Variants in IQUB observed in about 807,000 individuals in gnomAD.
IQUB encodes the protein IQ motif and ubiquitin-like domain-containing protein.
IQUB carries 86 observed loss-of-function variants against 86.4 expected under a neutral mutation model. The ratio of observed to expected loss-of-function variants is 1.00; its 90% CI spans 0.84 to 1.19. The LOEUF (loss-of-function observed/expected upper bound fraction) is 1.19. Ranked by LOEUF, IQUB falls within the 50% of genes most tolerant of loss-of-function variation. The probability of loss-of-function intolerance (pLI) is 0.00; values close to 1 mark genes in which losing one functional copy is unlikely to be tolerated. For synonymous variants in IQUB, 289 were observed against 304.5 expected, an observed-to-expected ratio of 0.95 and a Z score of 0.53; for missense variants, 946 against 916.9, an observed-to-expected ratio of 1.03 and a Z score of -0.41.
chr7:123,473,851 C>T (rs1794644975), intron 8 of IQUB, among the ~76,000 whole-genome samples: 1 of 152,044 alleles, frequency 6.6e-6, no homozygotes, highest in South Asian at 2.1e-4. Context: ...TCCCAAAGTG[C>T]TGGGATTACA....
chr7:123,461,039 A>G (rs1237434152), intron 11 of IQUB, among the ~76,000 whole-genome samples: 1 of 151,094 alleles, frequency 6.6e-6, no homozygotes, highest in African/African-American at 2.4e-5. Flanking sequence ...CATTATGGTC[A>G]CATTTGGTTT....
intron 8 of IQUB, among the ~76,000 whole-genome samples, chr7:123,472,404 T>G (rs1178209942): frequency 6.6e-6 from 1 of 152,156 alleles, no homozygotes; most frequent in Non-Finnish European, 1.5e-5. Context: ...AGGCACTGAG[T>G]AGATAAAATA....
At chr7:123,495,577 C>A (rs1477671442) in intron 7 of IQUB, among the ~76,000 whole-genome samples, 1 of 151,918 alleles carries the variant, frequency 6.6e-6, no homozygotes, top group Non-Finnish European at 1.5e-5. Flanking sequence ...CTAAAATATC[C>A]CATTCAACTA....
At chr7:123,480,056 C>T in intron 7 of IQUB, 86 bp from the exon 8 acceptor site, 1 of 1,033,690 alleles carries the variant, frequency 9.7e-7, no homozygotes, top group Non-Finnish European at 1.4e-6. Context: ...TTTATTTTTA[C>T]ATCAATTTAA....
At chr7:123,529,925 C>T (rs1221473230) in intron 1 of IQUB, among the ~76,000 whole-genome samples, 13 of 151,784 alleles carry the variant, frequency 8.6e-5, no homozygotes, top group East Asian at 1.9e-4. Context: ...CCCAGCTACT[C>T]GGGAGGCTGA....
At chr7:123,456,942 C>T (rs1370099365) in intron 12 of IQUB, among the ~76,000 whole-genome samples, 1 of 152,040 alleles carries the variant, frequency 6.6e-6, no homozygotes, top group Non-Finnish European at 1.5e-5. Context: ...TAAGCAGACT[C>T]ATGATAATTA....
chr7:123,462,592 C>G (rs1053380649), intron 10 of IQUB: 2 of 198,744 alleles, frequency 1.0e-5, no homozygotes, highest in African/African-American at 4.7e-5. Flanking sequence ...GTCAATTCTT[C>G]GAGAGAAAAG....
At chr7:123,510,779 T>A (rs1026746553) in intron 2 of IQUB, among the ~76,000 whole-genome samples, 1 of 152,136 alleles carries the variant, frequency 6.6e-6, no homozygotes, top group Non-Finnish European at 1.5e-5. Flanking sequence ...TCTTTGAGCT[T>A]GTTAAAACTT....
At chr7:123,475,306 C>CA (rs965467228) in intron 8 of IQUB, among the ~76,000 whole-genome samples, 1 of 149,810 alleles carries the variant, frequency 6.7e-6, no homozygotes, top group East Asian at 2.0e-4. Context: ...AAAACAAACA[C>CA]AAAAAAATAG....
chr7:123,511,088 G>A (rs1584630495), intron 2 of IQUB, among the ~76,000 whole-genome samples: 2 of 151,958 alleles, frequency 1.3e-5, no homozygotes, highest in African/African-American at 2.4e-5. Flanking sequence ...GGTATAACTG[G>A]GCTTACGTAG....
intron 1 of IQUB, among the ~76,000 whole-genome samples, chr7:123,522,803 T>C (rs1239815071): frequency 5.9e-5 from 9 of 151,574 alleles, no homozygotes; most frequent in Non-Finnish European, 1.0e-4. Context: ...GCTGCACCCA[T>C]TAACTCGTCA....
Position 123,502,754 on chromosome 7 carries a change from TAAAAGA to T in IQUB, c.868-8_868-3del. 6.3e-7 allele frequency: 1 copy of T among 1,587,514 alleles called. No homozygotes were observed. The stretch of plus-strand genomic sequence containing the variant: ...GAGATTTTTTTTCTGAAAAACTGTC[TAAAAGA>T]AAACATTAAAAATTTAAATCAGTAT... On this transcript the variant is annotated splice_region_variant and splice_polypyrimidine_tract_variant and intron_variant, in intron 5 of 12. Coordinates refer to ENST00000324698, the MANE Select transcript of IQUB (RefSeq NM_178827.5).
At chr7:123,477,782 G>C (rs1181107951) in intron 8 of IQUB, among the ~76,000 whole-genome samples, 2 of 152,076 alleles carry the variant, frequency 1.3e-5, no homozygotes, top group Non-Finnish European at 2.9e-5. Context: ...GTGGGCATAG[G>C]ATATGAAGAG....
intron 1 of IQUB, among the ~76,000 whole-genome samples, chr7:123,516,551 T>C (rs1029673917): frequency 2.6e-5 from 4 of 151,978 alleles, no homozygotes; most frequent in Non-Finnish European, 4.4e-5. Flanking sequence ...ACTCCAAGAT[T>C]TATTAAGTGA....
At chr7:123,453,440 T>C (rs1793541485) in intron 12 of IQUB, among the ~76,000 whole-genome samples, 1 of 149,416 alleles carries the variant, frequency 6.7e-6, no homozygotes, top group African/African-American at 2.4e-5. Context: ...TATAACCTTA[T>C]ATAATTATAT....
chr7:123,463,803 A>T (rs1794116314), intron 10 of IQUB, among the ~76,000 whole-genome samples: 1 of 151,818 alleles, frequency 6.6e-6, no homozygotes. Context: ...ATGATATAAC[A>T]TTATGTAAAA....
chr7:123,467,586 C>T (rs1794320795), intron 9 of IQUB, among the ~76,000 whole-genome samples: 1 of 152,176 alleles, frequency 6.6e-6, no homozygotes, highest in African/African-American at 2.4e-5. Flanking sequence ...GGCCCAGGTC[C>T]AGCTCATAAT....
chr7:123,499,713 A>T (rs187319534), intron 6 of IQUB, among the ~76,000 whole-genome samples: 22 of 152,306 alleles, frequency 1.4e-4, no homozygotes, highest in Admixed American at 1.3e-3. Context: ...TGCACTTGGT[A>T]TAAAAAAATT....
chr7:123,519,564 C>T (rs953543487), intron 1 of IQUB, among the ~76,000 whole-genome samples: 3 of 152,118 alleles, frequency 2.0e-5, no homozygotes, highest in African/African-American at 7.2e-5. Flanking sequence ...ACAAATATCA[C>T]ATGTTCTCAT....
Sources: gnomAD v4.1 joint callset for allele counts (sites outside exome capture counted in the v4.1 genomes callset) on GRCh38, gnomAD v4.1.1 for gene constraint, MANE v1.5 for transcripts, NCBI Gene and HGNC (gene_info 2026-07-23, HGNC 2026-07-21) for gene names.